The following GNA12 variants were observed in gnomAD, a reference collection of about 807,000 sequenced individuals.
GNA12 encodes the protein G protein subunit alpha 12.
Under a neutral mutation model 26.0 loss-of-function variants are expected in GNA12, and 9 were observed. That is an observed-to-expected ratio of 0.35 (90% CI 0.21 to 0.60). The LOEUF (loss-of-function observed/expected upper bound fraction) is 0.60. Ranked by LOEUF, GNA12 falls within the 20% of genes least tolerant of loss-of-function variation. The pLI is 0.78. For missense variants in GNA12, 405 were observed against 525.8 expected, an observed-to-expected ratio of 0.77 and a Z score of 2.25; for synonymous variants, 264 against 219.6, an observed-to-expected ratio of 1.20 and a Z score of -1.79.
chr7:2,809,295 C>G (rs927814300), intron 1 of GNA12, among the ~76,000 whole-genome samples: 3 of 152,136 alleles, frequency 2.0e-5, no homozygotes, highest in Non-Finnish European at 2.9e-5. Flanking sequence ...TCCTCATCCG[C>G]AAAGTAAGGG....
intron 1 of GNA12, chr7:2,814,371 C>G (rs1583303442): frequency 6.3e-7 from 1 of 1,599,444 alleles, no homozygotes; most frequent in Middle Eastern, 1.7e-4. Flanking sequence ...CGGTTTCCAT[C>G]TGGTGTGCTT....
At chr7:2,834,457 A>G (rs1020509355) in intron 1 of GNA12, among the ~76,000 whole-genome samples, 1 of 152,228 alleles carries the variant, frequency 6.6e-6, no homozygotes, top group Non-Finnish European at 1.5e-5. Context: ...CCCCAGCTTG[A>G]GAGTGCGAGT....
At chr7:2,753,739 A>AT (rs986558087) in intron 2 of GNA12, among the ~76,000 whole-genome samples, 4 of 151,214 alleles carry the variant, frequency 2.6e-5, no homozygotes, top group Admixed American at 6.6e-5. Context: ...TGTATGTTTA[A>AT]TTTTTTTTTC....
At chr7:2,768,980 G>A (rs528097179) in intron 2 of GNA12, among the ~76,000 whole-genome samples, 41 of 152,150 alleles carry the variant, frequency 2.7e-4, no homozygotes, top group East Asian at 3.9e-4. Flanking sequence ...GGCTGATCTC[G>A]GCTCCCTCCA....
intron 2 of GNA12, 135 bp from the exon 3 acceptor site, chr7:2,733,636 G>A (rs1790013128): frequency 2.9e-6 from 2 of 682,366 alleles, no homozygotes; most frequent in Non-Finnish European, 5.4e-6. Flanking sequence ...AAAAGGCAGA[G>A]AGTGTCCGTG....
At chr7:2,737,656 G>A (rs1790276332) in intron 2 of GNA12, among the ~76,000 whole-genome samples, 1 of 152,150 alleles carries the variant, frequency 6.6e-6, no homozygotes, top group African/African-American at 2.4e-5. Flanking sequence ...TTCACACTGT[G>A]ACCGAAAACA....
chr7:2,825,103 G>A (rs1221954898), intron 1 of GNA12, among the ~76,000 whole-genome samples: 1 of 152,184 alleles, frequency 6.6e-6, no homozygotes, highest in Admixed American at 6.5e-5. Context: ...CAAAAGACAG[G>A]TTACAACAAT....
intron 2 of GNA12, among the ~76,000 whole-genome samples, chr7:2,773,186 G>A (rs956559672): frequency 6.6e-6 from 1 of 152,256 alleles, no homozygotes; most frequent in African/African-American, 2.4e-5. Context: ...GTGGCTGTGT[G>A]AGTAGATACA....
intron 2 of GNA12, among the ~76,000 whole-genome samples, chr7:2,781,412 C>CTGTG (rs58348546): frequency 0.021 from 2,973 of 143,600 alleles, 55 homozygotes; most frequent in East Asian, 0.058. Context: ...AAGTAAGTGT[C>CTGTG]TGTGTGTGTG....
At position 2,744,721 on chromosome 7, in the gene GNA12, G is replaced by C. The variant is rs541619766; in HGVS notation, c.526-11220C>G. 1.6e-4 allele frequency among the ~76,000 whole-genome samples: 25 copies of C among 152,276 alleles called. No individual in the cohort carries two copies. The South Asian group carries it at 4.8e-3, about 29-fold the overall frequency. On this transcript the variant is annotated intron_variant, in intron 2 of 3. Transcript: ENST00000275364. ...AGGCTTCAGACAATCAAACTACTCT[G>C]AGCTACAGGAGGAAGTTCGAACCAA...
chr7:2,752,219 A>G (rs1334361785), intron 2 of GNA12, among the ~76,000 whole-genome samples: 1 of 152,244 alleles, frequency 6.6e-6, no homozygotes, highest in Non-Finnish European at 1.5e-5. Context: ...AAAGCATGTG[A>G]AAAAATTCAA....
chr7:2,765,326 T>C (rs1791758093), intron 2 of GNA12, among the ~76,000 whole-genome samples: 1 of 151,944 alleles, frequency 6.6e-6, no homozygotes, highest in African/African-American at 2.4e-5. Context: ...TTTTTTGTAT[T>C]TTTAGTAGAG....
chr7:2,769,459 G>C (rs181406292), intron 2 of GNA12, among the ~76,000 whole-genome samples: 2 of 151,606 alleles, frequency 1.3e-5, no homozygotes, highest in Admixed American at 6.6e-5. Context: ...GGCTGGGCAC[G>C]GTGGCTCATG....
intron 1 of GNA12, among the ~76,000 whole-genome samples, chr7:2,802,989 C>T (rs539717127): frequency 5.9e-4 from 90 of 152,276 alleles, no homozygotes; most frequent in Admixed American, 1.5e-3. Context: ...AATGCACTGC[C>T]GTACGGGATC....
chr7:2,813,971 C>T (rs1247498601), intron 1 of GNA12, among the ~76,000 whole-genome samples: 4 of 152,146 alleles, frequency 2.6e-5, no homozygotes, highest in Admixed American at 6.5e-5. Flanking sequence ...ATAGATCAGA[C>T]GGCAGAGGGA....
At chr7:2,835,145 T>C (rs1387390499) in intron 1 of GNA12, among the ~76,000 whole-genome samples, 4 of 152,280 alleles carry the variant, frequency 2.6e-5, no homozygotes, top group South Asian at 2.1e-4. Context: ...AATTTAGTAA[T>C]GAAAACGCTC....
chr7:2,811,714 G>A (rs1013422033), intron 1 of GNA12, among the ~76,000 whole-genome samples: 1 of 152,188 alleles, frequency 6.6e-6, no homozygotes, highest in African/African-American at 2.4e-5. Context: ...AAGGGCTGCT[G>A]TCCAGTTTCA....
intron 2 of GNA12, among the ~76,000 whole-genome samples, chr7:2,774,609 G>A (rs561966685): frequency 6.6e-6 from 1 of 152,160 alleles, no homozygotes; most frequent in Non-Finnish European, 1.5e-5. Context: ...CTAATGTGTC[G>A]AATGCTTTAA....
chr7:2,824,833 C>A (rs1793447961), intron 1 of GNA12, among the ~76,000 whole-genome samples: 1 of 152,172 alleles, frequency 6.6e-6, no homozygotes. Flanking sequence ...GGCAGCACAG[C>A]CATCACCTAG....
Sources: gnomAD v4.1 joint callset for allele counts (sites outside exome capture counted in the v4.1 genomes callset) on GRCh38, gnomAD v4.1.1 for gene constraint, MANE v1.5 for transcripts, NCBI Gene and HGNC (gene_info 2026-07-23, HGNC 2026-07-21) for gene names.